CAST: variants seen among roughly 807,000 people sequenced by gnomAD.
CAST encodes the protein calpastatin.
CAST carries 76 observed loss-of-function variants against 119.6 expected under a neutral mutation model. The ratio of observed to expected loss-of-function variants is 0.64; its 90% CI spans 0.53 to 0.77. The LOEUF (loss-of-function observed/expected upper bound fraction) is 0.77, where lower values mean the gene tolerates loss of function less well. Ranked by LOEUF, CAST falls within the 30% of genes least tolerant of loss-of-function variation. CAST has a pLI of 0.00. For synonymous variants in CAST, 319 were observed against 331.6 expected (o/e 0.96, Z 0.41); for missense variants, 953 against 946.5 (o/e 1.01, Z -0.09).
chr5:96,674,723 G>T (rs1750493455), intron 1 of CAST, among the ~76,000 whole-genome samples: 1 of 152,154 alleles, frequency 6.6e-6, no homozygotes, highest in Non-Finnish European at 1.5e-5. Context: ...CAGTTATGAG[G>T]AATAAGATCT....
the CAST span, among the ~76,000 whole-genome samples, chr5:96,498,968 C>T: frequency 1.3e-5 from 2 of 150,706 alleles, no homozygotes; most frequent in African/African-American, 2.4e-5. Flanking sequence ...CTACCCAACA[C>T]TTTCTTTCCC....
the CAST span, among the ~76,000 whole-genome samples, chr5:96,446,817 G>GA: frequency 5.9e-5 from 9 of 152,058 alleles, no homozygotes; most frequent in Non-Finnish European, 1.2e-4. Flanking sequence ...GCCTGGGCTA[G>GA]AAAAAAAGAG....
chr5:96,580,334 A>G (rs888677166), intron 1 of CAST, among the ~76,000 whole-genome samples: 27 of 152,360 alleles, frequency 1.8e-4, no homozygotes, highest in African/African-American at 6.0e-4. Context: ...ATGACAAAAT[A>G]TTGCATTTAG....
the CAST span, among the ~76,000 whole-genome samples, chr5:96,291,218 A>G: frequency 6.2e-4 from 94 of 152,374 alleles, 2 homozygotes; most frequent in East Asian, 0.016. Context: ...TTCTTGATCC[A>G]CAGAAACTGT....
the CAST span, among the ~76,000 whole-genome samples, chr5:96,150,065 G>A: frequency 2.0e-5 from 3 of 152,072 alleles, no homozygotes; most frequent in African/African-American, 4.8e-5. Context: ...TTTATGCAGG[G>A]CATTCTGCTG....
intron 1 of CAST, among the ~76,000 whole-genome samples, chr5:96,539,827 G>A (rs755426566): frequency 3.8e-4 from 58 of 152,070 alleles, no homozygotes; most frequent in Non-Finnish European, 6.2e-4. Flanking sequence ...TATTTACACC[G>A]TTTACATTTA....
At chr5:96,033,425 C>G in the CAST span, among the ~76,000 whole-genome samples, 4 of 152,108 alleles carry the variant, frequency 2.6e-5, no homozygotes, top group Admixed American at 2.6e-4. Flanking sequence ...GTAACCAAAA[C>G]AGCATGCTAC....
chr5:96,649,820 C>A (rs1488356976), intron 1 of CAST, among the ~76,000 whole-genome samples: 7 of 152,184 alleles, frequency 4.6e-5, no homozygotes, highest in Admixed American at 3.3e-4. Flanking sequence ...TGCATTTAAA[C>A]TTCAAGTCAC....
the CAST span, among the ~76,000 whole-genome samples, chr5:96,334,050 C>A: frequency 1.3e-5 from 2 of 152,140 alleles, no homozygotes; most frequent in Non-Finnish European, 2.9e-5. Context: ...AGCAAACTTG[C>A]TACCTACTTT....
chr5:96,167,866 C>T, the CAST span, among the ~76,000 whole-genome samples: 1 of 152,138 alleles, frequency 6.6e-6, no homozygotes, highest in Non-Finnish European at 1.5e-5. Context: ...GGCCAAATGC[C>T]CGAGCTTCAT....
the CAST span, among the ~76,000 whole-genome samples, chr5:96,120,978 G>A: frequency 2.0e-5 from 3 of 151,730 alleles, no homozygotes; most frequent in African/African-American, 4.8e-5. Flanking sequence ...CCACGTACTT[G>A]GTGAGACCTT....
the CAST span, among the ~76,000 whole-genome samples, chr5:96,307,075 G>A: frequency 1.3e-5 from 2 of 152,164 alleles, no homozygotes; most frequent in Admixed American, 1.3e-4. Flanking sequence ...CTATTATTGT[G>A]TGGGAGTCTA....
intron 6 of CAST, chr5:96,728,920 G>A: frequency 2.1e-6 from 1 of 477,586 alleles, no homozygotes; most frequent in Non-Finnish European, 3.8e-6. Context: ...ATGAAATACT[G>A]AATTTTTCAT....
At chr5:96,571,698 C>G (rs1032111414) in intron 1 of CAST, among the ~76,000 whole-genome samples, 3 of 152,174 alleles carry the variant, frequency 2.0e-5, no homozygotes, top group Non-Finnish European at 4.4e-5. Flanking sequence ...TGTGATCTCT[C>G]TAGAGGGGGT....
chr5:96,341,469 C>T, the CAST span, among the ~76,000 whole-genome samples: 8 of 151,898 alleles, frequency 5.3e-5, no homozygotes, highest in Admixed American at 3.3e-4. Context: ...TTCGAAATAA[C>T]AATTTTCTTT....
At chr5:96,492,820 G>C in the CAST span, among the ~76,000 whole-genome samples, 1 of 152,212 alleles carries the variant, frequency 6.6e-6, no homozygotes, top group African/African-American at 2.4e-5. Flanking sequence ...GAGGCCCCAT[G>C]CCAGATTAAC....
chr5:96,660,435 A>AT (rs1748264333), upstream of CAST, among the ~76,000 whole-genome samples: 2 of 152,272 alleles, frequency 1.3e-5, no homozygotes, highest in African/African-American at 4.8e-5. Context: ...TTTAATCTCT[A>AT]TATCTCTCCT....
At chr5:96,015,512 C>T in the CAST span, among the ~76,000 whole-genome samples, 2 of 151,918 alleles carry the variant, frequency 1.3e-5, no homozygotes, top group South Asian at 2.1e-4. Context: ...TTTTTAATCA[C>T]CTATAATATA....
chr5:96,147,079 C>A, the CAST span, among the ~76,000 whole-genome samples: 1 of 152,186 alleles, frequency 6.6e-6, no homozygotes, highest in African/African-American at 2.4e-5. Flanking sequence ...TTTAGTGCCC[C>A]ATGTTCTGTG....
Sources: gnomAD v4.1 joint callset for allele counts (sites outside exome capture counted in the v4.1 genomes callset) on GRCh38, gnomAD v4.1.1 for gene constraint, MANE v1.5 for transcripts, NCBI Gene and HGNC (gene_info 2026-07-23, HGNC 2026-07-21) for gene names.